The following FREM2 variants were observed in gnomAD, a reference collection of about 807,000 sequenced individuals.
FREM2 encodes the protein FRAS1 related extracellular matrix 2, also known as FRAS1-related extracellular matrix protein 2.
Under a neutral mutation model 219.9 loss-of-function variants are expected in FREM2, and 119 were observed. The observed-to-expected ratio is 0.54, with a 90% CI of 0.47 to 0.63. FREM2 has a LOEUF of 0.63. Ranked by LOEUF, FREM2 falls within the 30% of genes least tolerant of loss-of-function variation. The pLI, the probability that FREM2 is intolerant of heterozygous loss-of-function variation, is 0.00. For synonymous variants in FREM2, 1,562 were observed against 1,522.8 expected (o/e 1.03, Z -0.60); for missense variants, 4,030 against 3,993.6 (o/e 1.01, Z -0.25).
At chr13:38,758,501 T>G (rs1347407769) in intron 2 of FREM2, among the ~76,000 whole-genome samples, 3 of 152,204 alleles carry the variant, frequency 2.0e-5, no homozygotes, top group African/African-American at 7.2e-5. Context: ...CTCTAGTTTG[T>G]GCACATTATC....
At chr13:38,845,789 G>A (rs1284154950) in intron 6 of FREM2, among the ~76,000 whole-genome samples, 1 of 152,118 alleles carries the variant, frequency 6.6e-6, no homozygotes, top group Non-Finnish European at 1.5e-5. Flanking sequence ...ATTGGTCACA[G>A]TTTGAGTCAG....
At position 38,799,103 on chromosome 13, in the gene FREM2, T is replaced by C. The variant is rs547562373; in HGVS notation, c.6019+14295T>C. On this transcript the variant is annotated intron_variant, in intron 6 of 23. Transcript: ENST00000280481. The stretch of plus-strand genomic sequence containing the variant: ...TTGAAGTATTTCTACATTTTCGATG[T>C]AGGCATTTATTGTTATAAACTTCCC... 8.5e-4 allele frequency among the ~76,000 whole-genome samples: 130 copies of C among 152,182 alleles called. 1 individual carries two copies. In the South Asian group the frequency reaches 0.014, roughly 16 times the overall value.
chr13:38,864,653 G>A (rs368280530), intron 16 of FREM2, 47 bp downstream of exon 16: 2 of 1,539,784 alleles, frequency 1.3e-6, no homozygotes, highest in Middle Eastern at 1.7e-4. Context: ...AAACCAATTG[G>A]TTTGTTTTGT....
At chr13:38,719,640 G>A (rs1593363875) in intron 2 of FREM2, among the ~76,000 whole-genome samples, 2 of 152,134 alleles carry the variant, frequency 1.3e-5, no homozygotes, top group African/African-American at 4.8e-5. Flanking sequence ...TCTTCATCTC[G>A]AGGCAAGTTG....
chr13:38,747,395 A>ATGTGTGTG (rs71917471), intron 2 of FREM2, among the ~76,000 whole-genome samples: 5,226 of 142,898 alleles, frequency 0.037, 127 homozygotes, highest in African/African-American at 0.07. Context: ...CTGATATAAT[A>ATGTGTGTG]TGTGTGTGTG....
intron 13 of FREM2, 34 bp downstream of exon 13, chr13:38,858,067 G>A (rs764711461): frequency 1.3e-6 from 2 of 1,551,720 alleles, no homozygotes; most frequent in Non-Finnish European, 1.8e-6. Flanking sequence ...GAGGAAAATT[G>A]TAAGATAATT....
chr13:38,847,177 T>C (rs907822816), intron 7 of FREM2, among the ~76,000 whole-genome samples: 3 of 150,824 alleles, frequency 2.0e-5, no homozygotes, highest in Non-Finnish European at 4.4e-5. Flanking sequence ...ATCCAAAAGG[T>C]TTTTTCCACA....
At chr13:38,750,465 T>G (rs1422685221) in intron 2 of FREM2, among the ~76,000 whole-genome samples, 1 of 152,204 alleles carries the variant, frequency 6.6e-6, no homozygotes, top group East Asian at 1.9e-4. Flanking sequence ...AGTTCATTTT[T>G]TTTATGGTTG....
At chr13:38,836,473 A>T (rs1396227101) in intron 6 of FREM2, among the ~76,000 whole-genome samples, 2 of 152,104 alleles carry the variant, frequency 1.3e-5, no homozygotes, top group Non-Finnish European at 2.9e-5. Flanking sequence ...TGAGTTAAGG[A>T]GGAGTCCCTC....
At chr13:38,788,918 T>A (rs1874440130) in intron 6 of FREM2, among the ~76,000 whole-genome samples, 1 of 152,152 alleles carries the variant, frequency 6.6e-6, no homozygotes, top group Non-Finnish European at 1.5e-5. Flanking sequence ...TATTACATAA[T>A]CTTTTCCTTC....
At chr13:38,725,913 G>A (rs559415919) in intron 2 of FREM2, among the ~76,000 whole-genome samples, 3 of 152,316 alleles carry the variant, frequency 2.0e-5, no homozygotes, top group South Asian at 2.1e-4. Flanking sequence ...TGGCAAGGAT[G>A]TAATTTCAGA....
intron 3 of FREM2, among the ~76,000 whole-genome samples, chr13:38,766,173 A>G (rs1447496264): frequency 6.6e-6 from 1 of 152,240 alleles, no homozygotes; most frequent in Non-Finnish European, 1.5e-5. Flanking sequence ...GAAAGTTAAC[A>G]GTAGAAAAAG....
intron 16 of FREM2, among the ~76,000 whole-genome samples, chr13:38,867,451 T>G (rs1410454020): frequency 1.3e-5 from 2 of 152,240 alleles, no homozygotes; most frequent in African/African-American, 2.4e-5. Flanking sequence ...GTAATACAAT[T>G]TAATAAAACA....
intron 6 of FREM2, among the ~76,000 whole-genome samples, chr13:38,796,429 T>G (rs1874785193): frequency 6.6e-6 from 1 of 152,108 alleles, no homozygotes; most frequent in Admixed American, 6.6e-5. Flanking sequence ...CATGAGATAT[T>G]CTTTATATTC....
chr13:38,733,120 A>G (rs1161190800), intron 2 of FREM2, among the ~76,000 whole-genome samples: 1 of 152,164 alleles, frequency 6.6e-6, no homozygotes, highest in Admixed American at 6.5e-5. Context: ...GTAAAGAGGA[A>G]GGATATTTTG....
chr13:38,756,986 T>A (rs1351910354), intron 2 of FREM2, among the ~76,000 whole-genome samples: 1 of 152,154 alleles, frequency 6.6e-6, no homozygotes, highest in Non-Finnish European at 1.5e-5. Flanking sequence ...TGATGAGAAT[T>A]TTTTGATGCC....
chr13:38,718,821 G>A (rs1187629263), intron 2 of FREM2, among the ~76,000 whole-genome samples: 1 of 152,212 alleles, frequency 6.6e-6, no homozygotes, highest in African/African-American at 2.4e-5. Context: ...ATAGGAAACA[G>A]CATGTATTAA....
intron 11 of FREM2, among the ~76,000 whole-genome samples, chr13:38,855,534 T>G (rs1241970022): frequency 6.6e-6 from 1 of 152,152 alleles, no homozygotes; most frequent in African/African-American, 2.4e-5. Context: ...AACGAACCAA[T>G]GTCTTATTAT....
At chr13:38,874,643 C>T in intron 18 of FREM2, 57 bp downstream of exon 18, 1 of 1,331,340 alleles carries the variant, frequency 7.5e-7, no homozygotes, top group East Asian at 2.3e-5. Flanking sequence ...GTAGATTTTC[C>T]ATCTTCACAC....
Sources: allele counts gnomAD v4.1 joint callset (sites outside exome capture counted in the v4.1 genomes callset), GRCh38; gene constraint gnomAD v4.1.1; transcripts MANE v1.5; gene names NCBI Gene and HGNC (gene_info 2026-07-23, HGNC 2026-07-21).